Variants in DSTYK observed in about 807,000 individuals in gnomAD.
DSTYK encodes the protein RIP-homologous kinase.
In DSTYK, 34 loss-of-function variants were observed where a neutral mutation model predicts 98.7. The ratio of observed to expected loss-of-function variants is 0.34; its 90% CI spans 0.26 to 0.46. The LOEUF is 0.46. Among genes scored for constraint, DSTYK ranks in the 20% least tolerant of loss-of-function variants. The probability of loss-of-function intolerance (pLI) is 1.00; values close to 1 mark genes in which losing one functional copy is unlikely to be tolerated. For missense variants in DSTYK, 962 were observed against 1,181.7 expected, an observed-to-expected ratio of 0.81 and a Z score of 2.73; for synonymous variants, 462 against 457.3, an observed-to-expected ratio of 1.01 and a Z score of -0.13.
In DSTYK at chr1:205,160,015, T is replaced by C. The variant is rs752488080; in HGVS notation, c.2105+99A>G. ...TCTGTTAGACACAGAAAACTAAATA[T>C]AGAGAGGCCATGCTGTAGCTCTTGG... On this transcript the variant is annotated intron_variant, in intron 8 of 12. Coordinates refer to ENST00000367162, the MANE Select transcript of DSTYK (RefSeq NM_015375.3). 1.3e-5 allele frequency: 18 copies of C among 1,396,890 alleles called. No homozygotes were observed. In the East Asian group the frequency reaches 2.1e-4, roughly 16 times the overall value. 86.5% of individuals were successfully genotyped at this position (1,396,890 alleles called of 1,614,324 possible).
In DSTYK at chr1:205,146,363, A is replaced by C. The variant is rs554290865; in HGVS notation, c.*1195T>G. 2 of 151,888 alleles carry C rather than the reference A, an allele frequency of 1.3e-5. No homozygotes were observed. Among genetic ancestry groups the C allele is most frequent in the Non-Finnish European group, 2.9e-5 (2 of 67,986 alleles). The allele number at this position is 151,888 out of a possible 1,614,324, so 9.4% of individuals were successfully genotyped here. On this transcript the variant is annotated 3_prime_UTR_variant, in exon 13 of 13. Transcript: ENST00000367162. ...TTGGGTTGGTTTTGCTTAGACACTCACTCCTAAGTACCATGTTATCTGGAG... is the reference window on the plus strand; with the variant it reads ...TTGGGTTGGTTTTGCTTAGACACTCCCTCCTAAGTACCATGTTATCTGGAG...
chr1:205,205,745 G>A (rs1417470298), intron 1 of DSTYK, among the ~76,000 whole-genome samples: 2 of 151,982 alleles, frequency 1.3e-5, no homozygotes, highest in Non-Finnish European at 2.9e-5. Context: ...GCGCCCAGCC[G>A]AAAATGCCTA....
At chr1:205,154,178 A>G (rs188412369) in intron 10 of DSTYK, among the ~76,000 whole-genome samples, 17 of 152,166 alleles carry the variant, frequency 1.1e-4, no homozygotes, top group African/African-American at 3.9e-4. Context: ...CCACTCTTCC[A>G]TAAGTTTAAC....
intron 1 of DSTYK, among the ~76,000 whole-genome samples, chr1:205,200,595 G>C (rs1226522072): frequency 6.6e-6 from 1 of 152,238 alleles, no homozygotes; most frequent in Non-Finnish European, 1.5e-5. Flanking sequence ...TCCTCTGGGA[G>C]AGACATGATG....
At chr1:205,206,285 G>GTTTT (rs1320166936) in intron 1 of DSTYK, among the ~76,000 whole-genome samples, 1 of 145,588 alleles carries the variant, frequency 6.9e-6, no homozygotes. Flanking sequence ...TTTTTTTTTA[G>GTTTT]TTTTTTGTTT....
At chr1:205,177,494 T>TGAAAA (rs1658266089) in intron 2 of DSTYK, among the ~76,000 whole-genome samples, 1 of 152,210 alleles carries the variant, frequency 6.6e-6, no homozygotes, top group Admixed American at 6.5e-5. Context: ...CATTTCTAAA[T>TGAAAA]AGTTCCCTGA....
Position 205,150,758 on chromosome 1 carries a change from C to T in DSTYK, c.2389G>A (p.Gly797Arg). The part of the protein sequence containing the change: ...KQNRAKITDL[G>R]FCKPEAMMSG... ...ATCATGGCCTCTGGCTTGCAGAATC[C>T]TAAGTCAGTGATCTTGGCACGGTTC... Residue 797 changes from glycine to arginine, a missense_variant, in exon 11 of 13, where the codon GGA (glycine) becomes AGA (arginine). Physicochemically the swap from Gly to Arg is moderately radical, Grantham distance 125 (BLOSUM62 -2). Coordinates refer to ENST00000367162, the MANE Select transcript of DSTYK (RefSeq NM_015375.3). The surrounding 1 kb of genome is among the most constrained non-coding windows in gnomAD (Gnocchi z 4.1). The T allele has an allele frequency of 6.2e-7, 1 of 1,614,144 alleles. No homozygotes were observed. Among genetic ancestry groups the T allele is most frequent in the Non-Finnish European group, 8.5e-7 (1 of 1,180,026 alleles).
At chr1:205,154,292 T>C (rs192816261) in intron 10 of DSTYK, among the ~76,000 whole-genome samples, 103 of 152,322 alleles carry the variant, frequency 6.8e-4, no homozygotes, top group African/African-American at 2.3e-3. Context: ...TCTTTCACCA[T>C]GCTGTCAACT....
chr1:205,168,911 C>G (rs1283941176), intron 3 of DSTYK, among the ~76,000 whole-genome samples: 1 of 152,138 alleles, frequency 6.6e-6, no homozygotes, highest in Non-Finnish European at 1.5e-5. Flanking sequence ...GATTACAGAG[C>G]TATTAGGATG....
intron 10 of DSTYK, among the ~76,000 whole-genome samples, chr1:205,155,155 T>G (rs1424358102): frequency 1.3e-5 from 2 of 151,600 alleles, no homozygotes; most frequent in Non-Finnish European, 2.9e-5. Context: ...CAGCTAATTT[T>G]TTATTTTTAG....
rs747261792 is a variant in DSTYK, at chr1:205,187,426, G to C, written c.646C>G (p.Leu216Val). 24 of 1,609,932 alleles carry C rather than the reference G, an allele frequency of 1.5e-5. No individual in the cohort carries two copies. Among genetic ancestry groups the C allele is most frequent in the East Asian group, 2.2e-5 (1 of 44,788 alleles). Residue 216 changes from leucine (L) to valine (V), a missense_variant, in exon 2 of 13, where the codon CTC becomes GTC. Leu to Val is a conservative substitution (Grantham distance 32, BLOSUM62 1). Around this residue, in one of 4 missense-constraint regions of DSTYK, gnomAD observed 660 missense variants for 855.0 expected, o/e 0.77. Transcript: ENST00000367162. ...AELEVTMHHA[L>V]LQEVDVVVAP... The stretch of plus-strand genomic sequence containing the variant: ...AAGTATGAGATTGGTACCTGTAAGA[G>C]AGCATGGTGCATCGTTACCTCCAGT...
intron 2 of DSTYK, among the ~76,000 whole-genome samples, chr1:205,172,617 G>A (rs1658100328): frequency 6.6e-6 from 1 of 151,868 alleles, no homozygotes; most frequent in South Asian, 2.1e-4. Flanking sequence ...GCCCAGCCTT[G>A]AGTTTTTAAA....
intron 2 of DSTYK, among the ~76,000 whole-genome samples, chr1:205,175,894 G>A (rs1006943559): frequency 6.6e-6 from 1 of 152,022 alleles, no homozygotes; most frequent in Non-Finnish European, 1.5e-5. Flanking sequence ...ACTTTCAATC[G>A]GCATATGTAA....
intron 3 of DSTYK, among the ~76,000 whole-genome samples, chr1:205,164,896 G>T (rs187525242): frequency 6.6e-6 from 1 of 152,168 alleles, no homozygotes; most frequent in African/African-American, 2.4e-5. Context: ...TTGTTACATG[G>T]GTATTATAGA....
chr1:205,161,654 T>G (rs1313241437), intron 6 of DSTYK, among the ~76,000 whole-genome samples: 1 of 152,168 alleles, frequency 6.6e-6, no homozygotes, highest in African/African-American at 2.4e-5. Flanking sequence ...CAAACAATTA[T>G]GAAATATAGA....
chr1:205,149,064 G>A (rs1299767210), intron 11 of DSTYK, among the ~76,000 whole-genome samples: 4 of 151,864 alleles, frequency 2.6e-5, no homozygotes, highest in Non-Finnish European at 5.9e-5. Flanking sequence ...CACCACGCCC[G>A]GCCTATTTTG....
chr1:205,196,194 A>C (rs6687271), intron 1 of DSTYK, among the ~76,000 whole-genome samples: 46,071 of 151,992 alleles, frequency 0.3, 7,429 homozygotes, highest in South Asian at 0.42. Context: ...TTAAATAAAC[A>C]AGAGAAAAGG....
At chr1:205,193,865 C>T (rs1278616413) in intron 1 of DSTYK, among the ~76,000 whole-genome samples, 4 of 139,466 alleles carry the variant, frequency 2.9e-5, no homozygotes, top group South Asian at 4.7e-4. Flanking sequence ...AGTGAGACTC[C>T]GTCTCAAAAA....
At chr1:205,149,177 C>T (rs1031695676) in intron 11 of DSTYK, among the ~76,000 whole-genome samples, 28 of 151,024 alleles carry the variant, frequency 1.9e-4, no homozygotes, top group African/African-American at 5.8e-4. Context: ...GCTGGGATTA[C>T]GACATGAGCC....
Sources: gnomAD v4.1 joint callset for allele counts (sites outside exome capture counted in the v4.1 genomes callset) on GRCh38, gnomAD v4.1.1 for gene constraint, gnomAD v4.1.1 regional missense constraint, Gnocchi (gnomAD v3.1) non-coding constraint, MANE v1.5 for transcripts, NCBI Gene and HGNC (gene_info 2026-07-23, HGNC 2026-07-21) for gene names.